Variants in LRMDA observed in about 807,000 individuals in gnomAD.
The protein encoded by LRMDA is leucine rich melanocyte differentiation associated.
Under a neutral mutation model 29.8 loss-of-function variants are expected in LRMDA, and 18 were observed. The observed-to-expected ratio is 0.60, with a 90% CI of 0.42 to 0.90. The LOEUF (loss-of-function observed/expected upper bound fraction) is 0.90, where lower values mean the gene tolerates loss of function less well. Ranked by LOEUF, LRMDA falls within the 40% of genes least tolerant of loss-of-function variation. The probability of loss-of-function intolerance (pLI) is 0.00; values close to 1 mark genes in which losing one functional copy is unlikely to be tolerated. For missense variants in LRMDA, 273 were observed against 273.9 expected (o/e 1.00, Z 0.02); for synonymous variants, 125 against 109.4 (o/e 1.14, Z -0.89).
chr10:75,528,422 A>C (rs1845438664), intron 2 of LRMDA, among the ~76,000 whole-genome samples: 1 of 152,232 alleles, frequency 6.6e-6, no homozygotes, highest in African/African-American at 2.4e-5. Flanking sequence ...CATATTAATC[A>C]AACATACACA....
chr10:76,418,908 A>AT (rs1215004102), intron 6 of LRMDA, among the ~76,000 whole-genome samples: 1 of 152,012 alleles, frequency 6.6e-6, no homozygotes, highest in Non-Finnish European at 1.5e-5. Flanking sequence ...TACATTGATC[A>AT]TTTTTTAAAA....
intron 5 of LRMDA, among the ~76,000 whole-genome samples, chr10:76,206,736 A>T (rs1851543851): frequency 1.3e-5 from 2 of 152,148 alleles, no homozygotes; most frequent in Admixed American, 1.3e-4. Flanking sequence ...GGGAGATGGG[A>T]CTATCCAGTA....
At chr10:75,945,350 T>A (rs1047317575) in intron 2 of LRMDA, among the ~76,000 whole-genome samples, 2 of 152,224 alleles carry the variant, frequency 1.3e-5, no homozygotes, top group Middle Eastern at 3.2e-3. Context: ...TGTAGGATTT[T>A]GCAGACTTTG....
At chr10:76,391,678 C>T (rs1279291755) in intron 6 of LRMDA, among the ~76,000 whole-genome samples, 1 of 152,126 alleles carries the variant, frequency 6.6e-6, no homozygotes, top group Non-Finnish European at 1.5e-5. Context: ...TGAAATAAAA[C>T]AACCAGAAAG....
chr10:76,485,209 CT>C (rs1156960942), intron 6 of LRMDA, among the ~76,000 whole-genome samples: 2 of 151,724 alleles, frequency 1.3e-5, no homozygotes, highest in African/African-American at 2.4e-5. Context: ...TTCGTTGTTT[CT>C]TTTCCCCCTC....
chr10:76,367,052 C>T (rs1447802432), intron 6 of LRMDA, among the ~76,000 whole-genome samples: 2 of 152,132 alleles, frequency 1.3e-5, no homozygotes, highest in Non-Finnish European at 2.9e-5. Flanking sequence ...TGGGGTATCA[C>T]ATTTATTGAC....
intron 5 of LRMDA, among the ~76,000 whole-genome samples, chr10:76,299,931 G>A (rs1840460205): frequency 6.6e-6 from 1 of 152,118 alleles, no homozygotes; most frequent in African/African-American, 2.4e-5. Context: ...CTTTGTAAAG[G>A]AAATAATACT....
chr10:76,088,332 TCTC>T (rs1849172268), intron 5 of LRMDA, among the ~76,000 whole-genome samples: 1 of 152,198 alleles, frequency 6.6e-6, no homozygotes, highest in Non-Finnish European at 1.5e-5. Flanking sequence ...CTCTCCCTCC[TCTC>T]CTCAAAGTAT....
chr10:76,390,078 A>G (rs372176382), intron 6 of LRMDA, among the ~76,000 whole-genome samples: 4 of 152,334 alleles, frequency 2.6e-5, no homozygotes, highest in African/African-American at 9.6e-5. Context: ...TGTTTTCCAT[A>G]GCAGCTGTAC....
chr10:76,532,558 T>A (rs1843245823), intron 6 of LRMDA, among the ~76,000 whole-genome samples: 1 of 152,198 alleles, frequency 6.6e-6, no homozygotes, highest in Non-Finnish European at 1.5e-5. Flanking sequence ...TGCTTGACTG[T>A]GCTGCAGTGG....
At chr10:75,697,119 T>A (rs1305536472) in intron 2 of LRMDA, among the ~76,000 whole-genome samples, 1 of 151,930 alleles carries the variant, frequency 6.6e-6, no homozygotes, top group Non-Finnish European at 1.5e-5. Flanking sequence ...TTCAGCAGAG[T>A]CACCTCAAGG....
At chr10:75,810,992 G>A (rs1270381445) in intron 2 of LRMDA, among the ~76,000 whole-genome samples, 1 of 152,178 alleles carries the variant, frequency 6.6e-6, no homozygotes, top group Non-Finnish European at 1.5e-5. Flanking sequence ...ACCAAGTGGA[G>A]GAGCTGGGTC....
chr10:75,869,460 CT>C (rs1845073454), intron 2 of LRMDA, among the ~76,000 whole-genome samples: 1 of 152,190 alleles, frequency 6.6e-6, no homozygotes, highest in Non-Finnish European at 1.5e-5. Flanking sequence ...CTCGTCTTAT[CT>C]TTCCATCCCA....
At chr10:76,003,328 G>C (rs1233515840) in intron 2 of LRMDA, among the ~76,000 whole-genome samples, 1 of 152,100 alleles carries the variant, frequency 6.6e-6, no homozygotes, top group Non-Finnish European at 1.5e-5. Flanking sequence ...ACCGACTCAA[G>C]GCAAGCCTAG....
At position 76,304,548 on chromosome 10, in the gene LRMDA, GT is replaced by G. The variant is rs1266914153; in HGVS notation, c.517-19852del. ...AGAAGCCCTGTTTGCAGGGGTTGGG[GT>G]ATGGGGTAGAGAGCTCCCATCAGAG... On this transcript the variant is annotated intron_variant, in intron 5 of 6. Transcript: ENST00000611255. Among the ~76,000 whole-genome samples the G allele has an allele frequency of 2.0e-5, 3 of 152,200 alleles. No homozygotes were observed. The East Asian group carries it at 5.8e-4, about 29-fold the overall frequency.
chr10:76,402,310 G>T (rs1841857685), intron 6 of LRMDA: 2 of 152,102 alleles, frequency 1.3e-5, no homozygotes. Flanking sequence ...GAGGAGGCTT[G>T]GGGCATTTAC....
At chr10:75,888,914 T>C (rs928827520) in intron 2 of LRMDA, among the ~76,000 whole-genome samples, 2 of 152,234 alleles carry the variant, frequency 1.3e-5, no homozygotes, top group African/African-American at 4.8e-5. Context: ...AGGATAAAAA[T>C]GGGCCTTTTG....
At chr10:75,899,556 C>T (rs1378348730) in intron 2 of LRMDA, among the ~76,000 whole-genome samples, 1 of 152,206 alleles carries the variant, frequency 6.6e-6, no homozygotes, top group Non-Finnish European at 1.5e-5. Context: ...GTGGCTGTTA[C>T]ATGCAAGGCC....
chr10:76,543,680 T>C (rs1843385427), intron 6 of LRMDA, among the ~76,000 whole-genome samples: 1 of 152,132 alleles, frequency 6.6e-6, no homozygotes, highest in Non-Finnish European at 1.5e-5. Context: ...ATGCAAGCTC[T>C]TATACATGCA....
Sources: gnomAD v4.1 joint callset for allele counts (sites outside exome capture counted in the v4.1 genomes callset) on GRCh38, gnomAD v4.1.1 for gene constraint, MANE v1.5 for transcripts, NCBI Gene and HGNC (gene_info 2026-07-23, HGNC 2026-07-21) for gene names.